The following COL24A1 variants were observed in gnomAD, a reference collection of about 807,000 sequenced individuals.
COL24A1 encodes collagen type XXIV alpha 1 chain, also known as collagen alpha-1(XXIV) chain.
A neutral mutation model predicts 253.9 loss-of-function variants in COL24A1; 224 were observed. The ratio of observed to expected loss-of-function variants is 0.88; its 90% CI spans 0.79 to 0.99. The LOEUF (loss-of-function observed/expected upper bound fraction) is 0.99. COL24A1 is among the 50% of genes least tolerant of loss of function. COL24A1 has a pLI of 0.00. For missense variants in COL24A1, 2,131 were observed against 2,068.5 expected (o/e 1.03, Z -0.59); for synonymous variants, 685 against 673.7 (o/e 1.02, Z -0.26).
At chr1:85,993,442 A>C (rs6676497) in intron 19 of COL24A1, among the ~76,000 whole-genome samples, 68,644 of 149,366 alleles carry the variant, frequency 0.46, 15,958 homozygotes, top group East Asian at 0.6. Context: ...AAGAAGCCAG[A>C]CAAAAAAAAA....
At chr1:86,133,490 C>T (rs548224624) in intron 2 of COL24A1, among the ~76,000 whole-genome samples, 8 of 152,238 alleles carry the variant, frequency 5.3e-5, no homozygotes, top group Middle Eastern at 3.4e-3. Context: ...GTGGGTTTGT[C>T]ATAGATAGCA....
chr1:86,080,082 T>C (rs1702521625), intron 7 of COL24A1, among the ~76,000 whole-genome samples: 1 of 152,166 alleles, frequency 6.6e-6, no homozygotes, highest in South Asian at 2.1e-4. Flanking sequence ...TGGAGTACTA[T>C]TCAGCCATAC....
chr1:85,760,841 C>G (rs1195000242), intron 55 of COL24A1, among the ~76,000 whole-genome samples: 1 of 152,068 alleles, frequency 6.6e-6, no homozygotes, highest in Non-Finnish European at 1.5e-5. Context: ...TAAGGAAAAT[C>G]AAACTTAGAA....
At chr1:85,997,055 G>GTGTGTGTGTGTGTGTGTATATATATATA in intron 19 of COL24A1, among the ~76,000 whole-genome samples, 18 of 95,098 alleles carry the variant, frequency 1.9e-4, no homozygotes, top group East Asian at 8.3e-4. Flanking sequence ...GTGTGTGTGT[G>GTGTGTGTGTGTGTGTGTATATATATATA]TATATATATA....
intron 28 of COL24A1, 65 bp downstream of exon 28, chr1:85,907,129 C>A: frequency 7.5e-7 from 1 of 1,326,272 alleles, no homozygotes; most frequent in Non-Finnish European, 1.1e-6. Flanking sequence ...TTTTGTTGCA[C>A]ATTTTCCACT....
chr1:85,928,494 T>G (rs1687546284), intron 24 of COL24A1, among the ~76,000 whole-genome samples: 1 of 53,074 alleles, frequency 1.9e-5, no homozygotes, highest in Admixed American at 2.5e-4. Context: ...TGGAACCAAG[T>G]TGGAAAACAC....
chr1:85,973,540 TA>T (rs545950976), intron 20 of COL24A1, among the ~76,000 whole-genome samples: 46 of 152,218 alleles, frequency 3.0e-4, no homozygotes, highest in African/African-American at 1.1e-3. Context: ...AAGCATACAA[TA>T]AAAAATTATA....
At chr1:85,739,220 A>G (rs781754028) in intron 57 of COL24A1, among the ~76,000 whole-genome samples, 37 of 152,210 alleles carry the variant, frequency 2.4e-4, no homozygotes, top group Non-Finnish European at 3.1e-4. Context: ...GTCTTCCAAG[A>G]AATACTATCC....
chr1:86,142,546 A>AC (rs1381537296), intron 2 of COL24A1, among the ~76,000 whole-genome samples: 18 of 151,030 alleles, frequency 1.2e-4, no homozygotes, highest in Admixed American at 6.6e-4. Flanking sequence ...AAAAACAAAA[A>AC]ACAAAAAAAA....
chr1:85,962,132 G>A lies in COL24A1; in HGVS notation c.2518-839C>T, dbSNP rs188823909. Among the ~76,000 whole-genome samples the A allele has an allele frequency of 6.2e-4, 94 of 152,242 alleles. 2 individuals carry two copies. In the East Asian group the frequency reaches 0.017, roughly 28 times the overall value. On this transcript the variant is annotated intron_variant, in intron 23 of 59. Coordinates refer to ENST00000370571, the MANE Select transcript of COL24A1 (RefSeq NM_152890.7). ...GAATAAAATTAAAGTCTTTCCCACA[G>A]GGATGTTCTATTTGCTCAAATAGAA...
At chr1:86,117,674 T>C (rs1217500573) in intron 3 of COL24A1, among the ~76,000 whole-genome samples, 2 of 152,230 alleles carry the variant, frequency 1.3e-5, no homozygotes, top group Non-Finnish European at 2.9e-5. Flanking sequence ...ATAGTATTAA[T>C]AGGCATTTTC....
rs765391159 is a variant in COL24A1, at chr1:86,046,785, T to C, written c.1950+40A>G. ...AGTAAGAACACATAACCAGGTTATA[T>C]TGCTGTAAAATAAACCTCAAAAAAC... On this transcript the variant is annotated intron_variant, in intron 12 of 59. Coordinates refer to ENST00000370571, the MANE Select transcript of COL24A1 (RefSeq NM_152890.7). 1.5e-5 allele frequency: 24 copies of C among 1,608,446 alleles called. No individual in the cohort carries two copies. The East Asian group carries it at 3.6e-4, about 24-fold the overall frequency.
intron 24 of COL24A1, among the ~76,000 whole-genome samples, chr1:85,948,295 C>T (rs956702311): frequency 2.6e-5 from 4 of 151,750 alleles, no homozygotes; most frequent in Non-Finnish European, 5.9e-5. Flanking sequence ...GAGGCCGAGG[C>T]GGGCGGATCA....
intron 19 of COL24A1, among the ~76,000 whole-genome samples, chr1:86,012,925 G>C (rs1696647129): frequency 6.6e-6 from 1 of 151,812 alleles, no homozygotes; most frequent in African/African-American, 2.4e-5. Context: ...TCTGCCTTAG[G>C]TCTAGACAAT....
At chr1:86,142,203 T>C (rs1432340421) in intron 2 of COL24A1, among the ~76,000 whole-genome samples, 1 of 150,274 alleles carries the variant, frequency 6.7e-6, no homozygotes, top group Non-Finnish European at 1.5e-5. Context: ...AAAAAAAGAC[T>C]AGTCTCAGTG....
chr1:86,025,142 T>C (rs1053216440), intron 14 of COL24A1, among the ~76,000 whole-genome samples: 5 of 152,202 alleles, frequency 3.3e-5, no homozygotes, highest in African/African-American at 1.2e-4. Context: ...TGAGAAACTA[T>C]AGCCTTCTGA....
intron 7 of COL24A1, among the ~76,000 whole-genome samples, chr1:86,072,241 T>A (rs114151697): frequency 1.3e-5 from 2 of 152,104 alleles, no homozygotes; most frequent in Non-Finnish European, 2.9e-5. Flanking sequence ...ACAGAGCCCA[T>A]GAAGCTAAAA....
chr1:85,986,951 T>G (rs1206273073), intron 20 of COL24A1, among the ~76,000 whole-genome samples: 3 of 151,876 alleles, frequency 2.0e-5, no homozygotes, highest in Non-Finnish European at 4.4e-5. Context: ...TCTTGGTAAT[T>G]AAAATTTTGC....
chr1:86,007,478 G>T (rs1433020948), intron 19 of COL24A1, among the ~76,000 whole-genome samples: 1 of 152,086 alleles, frequency 6.6e-6, no homozygotes, highest in Non-Finnish European at 1.5e-5. Context: ...CTACCCAAAG[G>T]AGTTGAAAAT....
Sources: gnomAD v4.1 joint callset for allele counts (sites outside exome capture counted in the v4.1 genomes callset) on GRCh38, gnomAD v4.1.1 for gene constraint, MANE v1.5 for transcripts, NCBI Gene and HGNC (gene_info 2026-07-23, HGNC 2026-07-21) for gene names.